ROBO2: variants seen among roughly 807,000 people sequenced by gnomAD.
ROBO2 encodes roundabout guidance receptor 2, also known as roundabout homolog 2.
Under a neutral mutation model 160.8 loss-of-function variants are expected in ROBO2, and 53 were observed. The ratio of observed to expected loss-of-function variants is 0.33; its 90% CI spans 0.26 to 0.41. The LOEUF is 0.41. Among genes scored for constraint, ROBO2 ranks in the 10% least tolerant of loss-of-function variants. The pLI is 1.00. For missense variants in ROBO2, 1,577 were observed against 1,722.4 expected (o/e 0.92, Z 1.49); for synonymous variants, 664 against 611.7 (o/e 1.09, Z -1.26).
At chr3:77,355,280 C>CT (rs1414849343) in intron 2 of ROBO2, among the ~76,000 whole-genome samples, 1 of 152,148 alleles carries the variant, frequency 6.6e-6, no homozygotes, top group Non-Finnish European at 1.5e-5. Flanking sequence ...ATAGTTTTGC[C>CT]TTTTCCAGAA....
chr3:77,173,514 C>T (rs2079838243), intron 2 of ROBO2, among the ~76,000 whole-genome samples: 1 of 151,978 alleles, frequency 6.6e-6, no homozygotes, highest in African/African-American at 2.4e-5. Context: ...GTCTGAAAGT[C>T]CCATGTGTTG....
chr3:77,281,878 T>C (rs1013658169), intron 2 of ROBO2, among the ~76,000 whole-genome samples: 1 of 152,108 alleles, frequency 6.6e-6, no homozygotes, highest in Non-Finnish European at 1.5e-5. Flanking sequence ...AGCACTTCTA[T>C]GAGAATCTAA....
intron 2 of ROBO2, among the ~76,000 whole-genome samples, chr3:76,632,880 A>G (rs898371496): frequency 4.6e-5 from 7 of 152,356 alleles, no homozygotes; most frequent in East Asian, 1.9e-4. Context: ...TGCTGTCACG[A>G]TAACAATACA....
intron 1 of ROBO2, among the ~76,000 whole-genome samples, chr3:75,931,126 C>T (rs6549827): frequency 0.86 from 130,303 of 152,140 alleles, 59,363 homozygotes; most frequent in East Asian, 1. Context: ...TGTGCTTCAT[C>T]CAGATTCCTA....
chr3:76,313,303 T>C (rs574269077), intron 2 of ROBO2, among the ~76,000 whole-genome samples: 1 of 152,368 alleles, frequency 6.6e-6, no homozygotes, highest in Admixed American at 6.5e-5. Flanking sequence ...ATGTGTATGT[T>C]GTAAATATTT....
chr3:75,948,109 TG>T (rs1405187344), intron 2 of ROBO2, among the ~76,000 whole-genome samples: 1 of 152,028 alleles, frequency 6.6e-6, no homozygotes, highest in Non-Finnish European at 1.5e-5. Flanking sequence ...AGGGCAGATT[TG>T]GTACAAAATC....
chr3:76,046,363 T>G (rs1365222275), intron 2 of ROBO2, among the ~76,000 whole-genome samples: 38 of 151,942 alleles, frequency 2.5e-4, no homozygotes, highest in Admixed American at 2.4e-3. Flanking sequence ...AAAAAATGCC[T>G]AACTGGCCGG....
intron 2 of ROBO2, among the ~76,000 whole-genome samples, chr3:76,086,493 G>T (rs1016125717): frequency 6.6e-6 from 1 of 152,092 alleles, no homozygotes; most frequent in Non-Finnish European, 1.5e-5. Context: ...TGTGGATGGG[G>T]CTGAGAAGTA....
At chr3:76,439,200 G>A (rs951295103) in intron 2 of ROBO2, among the ~76,000 whole-genome samples, 1 of 152,100 alleles carries the variant, frequency 6.6e-6, no homozygotes, top group African/African-American at 2.4e-5. Context: ...CGAGGGTCTA[G>A]GCAATTGTGA....
At chr3:76,322,269 A>G (rs535497324) in intron 2 of ROBO2, among the ~76,000 whole-genome samples, 161 of 150,152 alleles carry the variant, frequency 1.1e-3, no homozygotes, top group African/African-American at 3.8e-3. Flanking sequence ...TAGTATATAA[A>G]TCTATCCTGT....
At chr3:76,612,768 G>A (rs1020373427) in intron 2 of ROBO2, among the ~76,000 whole-genome samples, 6 of 152,072 alleles carry the variant, frequency 3.9e-5, no homozygotes, top group East Asian at 3.8e-4. Flanking sequence ...TGTGTTGGAC[G>A]AATACATATT....
intron 2 of ROBO2, among the ~76,000 whole-genome samples, chr3:76,478,192 C>A (rs2079033246): frequency 7.4e-6 from 1 of 134,580 alleles, no homozygotes; most frequent in Non-Finnish European, 1.6e-5. Flanking sequence ...CCCCACCCCA[C>A]AACAGTCCCC....
intron 2 of ROBO2, among the ~76,000 whole-genome samples, chr3:77,431,563 A>G (rs1201214167): frequency 6.6e-6 from 1 of 152,104 alleles, no homozygotes; most frequent in Non-Finnish European, 1.5e-5. Context: ...GCCTGAAATG[A>G]CATAGTCGCT....
At chr3:76,546,346 C>T (rs1400178461) in intron 2 of ROBO2, among the ~76,000 whole-genome samples, 1 of 151,848 alleles carries the variant, frequency 6.6e-6, no homozygotes, top group Non-Finnish European at 1.5e-5. Flanking sequence ...TTATTTTTAG[C>T]AATTTCAGCT....
intron 2 of ROBO2, among the ~76,000 whole-genome samples, chr3:76,713,114 A>T (rs1297793718): frequency 6.6e-6 from 1 of 152,202 alleles, no homozygotes; most frequent in Non-Finnish European, 1.5e-5. Flanking sequence ...TTCTAACATC[A>T]TATTTGTAAA....
intron 2 of ROBO2, among the ~76,000 whole-genome samples, chr3:76,657,322 A>G (rs1372833933): frequency 6.6e-6 from 1 of 151,674 alleles, no homozygotes; most frequent in Admixed American, 6.6e-5. Flanking sequence ...CTACTCGGGA[A>G]GCTGAGGCAG....
At chr3:75,971,559 TG>T (rs1224837121) in intron 2 of ROBO2, among the ~76,000 whole-genome samples, 1 of 151,556 alleles carries the variant, frequency 6.6e-6, no homozygotes, top group Non-Finnish European at 1.5e-5. Context: ...ATGAGAAAAC[TG>T]CATAACTTTG....
At chr3:77,493,823 TG>T (rs1309808680) in intron 5 of ROBO2, among the ~76,000 whole-genome samples, 1 of 152,174 alleles carries the variant, frequency 6.6e-6, no homozygotes, top group Non-Finnish European at 1.5e-5. Flanking sequence ...CTGTAAGTCC[TG>T]GAGTAAAGGA....
At chr3:76,036,351 T>C in intron 2 of ROBO2, among the ~76,000 whole-genome samples, 1 of 151,812 alleles carries the variant, frequency 6.6e-6, no homozygotes, top group East Asian at 1.9e-4. Flanking sequence ...GGTTTCACCA[T>C]GTTGGTCAGG....
Sources: allele counts gnomAD v4.1 joint callset (sites outside exome capture counted in the v4.1 genomes callset), GRCh38; gene constraint gnomAD v4.1.1; transcripts MANE v1.5; gene names NCBI Gene and HGNC (gene_info 2026-07-23, HGNC 2026-07-21).